The following PRKCH variants were observed in gnomAD, a reference collection of about 807,000 sequenced individuals.
PRKCH encodes the protein protein kinase C eta.
A neutral mutation model predicts 82.5 loss-of-function variants in PRKCH; 28 were observed. That is an observed-to-expected ratio of 0.34 (90% CI 0.25 to 0.47). The LOEUF is 0.47. Ranked by LOEUF, PRKCH falls within the 20% of genes least tolerant of loss-of-function variation. PRKCH has a pLI of 1.00. For synonymous variants in PRKCH, 322 were observed against 327.4 expected (o/e 0.98, Z 0.18); for missense variants, 705 against 881.8 (o/e 0.80, Z 2.54).
chr14:61,192,583 G>A (rs540341028), intron 1 of PRKCH, among the ~76,000 whole-genome samples: 7 of 152,186 alleles, frequency 4.6e-5, no homozygotes, highest in East Asian at 3.9e-4. Flanking sequence ...AAAAGGAAAC[G>A]GCTGCAGTGT....
chr14:61,335,595 T>C (rs1023575125), intron 1 of PRKCH, among the ~76,000 whole-genome samples: 9 of 152,194 alleles, frequency 5.9e-5, no homozygotes, highest in African/African-American at 1.4e-4. Flanking sequence ...AACCCCCCCA[T>C]CTGCCAAAAC....
At chr14:61,240,284 G>A (rs187384182) in intron 1 of PRKCH, among the ~76,000 whole-genome samples, 3 of 152,308 alleles carry the variant, frequency 2.0e-5, no homozygotes, top group Admixed American at 6.5e-5. Flanking sequence ...CCCACATGCC[G>A]CAGAAAGCAG....
intron 2 of PRKCH, among the ~76,000 whole-genome samples, chr14:61,410,788 T>G (rs763666021): frequency 6.6e-6 from 1 of 152,204 alleles, no homozygotes; most frequent in Non-Finnish European, 1.5e-5. Context: ...ATAGCCATCA[T>G]GGCCAGGTCC....
Position 61,537,203 on chromosome 14 carries a change from T to C in PRKCH, c.1761+6608T>C, listed in dbSNP as rs142925897. Among the ~76,000 whole-genome samples the C allele has an allele frequency of 6.6e-5, 10 of 151,636 alleles. No individual in the cohort carries two copies. In the East Asian group the frequency reaches 1.2e-3, roughly 18 times the overall value. On this transcript the variant is annotated intron_variant, in intron 12 of 13. Transcript: ENST00000332981. ...TTTCTGCTCAATACTTAACGTGTGC[T>C]TGCCTCAAAAGCAGCCTGACCTGCG...
intron 2 of PRKCH, among the ~76,000 whole-genome samples, chr14:61,414,291 G>A (rs953959694): frequency 9.4e-6 from 1 of 105,966 alleles, no homozygotes; most frequent in Non-Finnish European, 2.0e-5. Flanking sequence ...TTTTTTTTTT[G>A]AAATGGAGTC....
At chr14:61,207,620 T>C (rs2044537735) in intron 1 of PRKCH, among the ~76,000 whole-genome samples, 1 of 152,132 alleles carries the variant, frequency 6.6e-6, no homozygotes, top group Non-Finnish European at 1.5e-5. Flanking sequence ...TATGGATCCA[T>C]TAAGAGCTAC....
intron 1 of PRKCH, among the ~76,000 whole-genome samples, chr14:61,249,160 A>G (rs932676635): frequency 6.6e-6 from 1 of 152,182 alleles, no homozygotes; most frequent in Non-Finnish European, 1.5e-5. Flanking sequence ...TATAAGCAGC[A>G]TATTTATTGT....
rs1164685953 is a variant in PRKCH, at chr14:61,335,046, A to AT, written c.363+12588dup. Among the ~76,000 whole-genome samples, 22 of 151,996 alleles carry AT rather than the reference A, an allele frequency of 1.4e-4. No homozygotes were observed. The East Asian group carries it at 3.7e-3, about 25-fold the overall frequency. On this transcript the variant is annotated intron_variant, in intron 1 of 13. Transcript: ENST00000332981. ...CTTTAACAAAATTATTTATTTATTTATTTTTTGTAATCTTGGCAGGCAAAG... is the reference window on the plus strand; with the variant it reads ...CTTTAACAAAATTATTTATTTATTTATTTTTTTGTAATCTTGGCAGGCAAAG...
chr14:61,448,465 A>G (rs1594717512), intron 4 of PRKCH, among the ~76,000 whole-genome samples: 2 of 152,206 alleles, frequency 1.3e-5, no homozygotes, highest in East Asian at 1.9e-4. Flanking sequence ...TGTTCAAGGC[A>G]TCATGCAAGG....
At chr14:61,373,530 C>T (rs912675199) in intron 1 of PRKCH, among the ~76,000 whole-genome samples, 2 of 151,890 alleles carry the variant, frequency 1.3e-5, no homozygotes, top group African/African-American at 4.9e-5. Flanking sequence ...ATCATTCCGC[C>T]CCTGGCCCCT....
intron 1 of PRKCH, among the ~76,000 whole-genome samples, chr14:61,214,985 T>C (rs1414896284): frequency 6.6e-6 from 1 of 152,228 alleles, no homozygotes; most frequent in Non-Finnish European, 1.5e-5. Context: ...AAAAGCTTTC[T>C]GAGGAGGGAT....
intron 1 of PRKCH, among the ~76,000 whole-genome samples, chr14:61,262,970 C>T (rs2045063261): frequency 6.6e-6 from 1 of 152,180 alleles, no homozygotes; most frequent in Non-Finnish European, 1.5e-5. Context: ...CTTTGACCCT[C>T]CAGTACACAG....
At chr14:61,420,168 TG>T (rs1356893485) in intron 2 of PRKCH, among the ~76,000 whole-genome samples, 1 of 152,184 alleles carries the variant, frequency 6.6e-6, no homozygotes, top group Non-Finnish European at 1.5e-5. Flanking sequence ...AAATGGGTCA[TG>T]TGTGCCTCTG....
intron 1 of PRKCH, chr14:61,277,454 C>T (rs1458937708): frequency 6.6e-6 from 1 of 152,196 alleles, no homozygotes; most frequent in Non-Finnish European, 1.5e-5. Flanking sequence ...TTCTATCTCA[C>T]TTCCTGAAGA....
intron 1 of PRKCH, among the ~76,000 whole-genome samples, chr14:61,194,445 A>T (rs1353037190): frequency 2.6e-5 from 4 of 152,184 alleles, no homozygotes; most frequent in Non-Finnish European, 5.9e-5. Context: ...CCCTGGAGAG[A>T]TCCTGCACCC....
intron 1 of PRKCH, among the ~76,000 whole-genome samples, chr14:61,337,712 C>A (rs1478272896): frequency 5.9e-5 from 9 of 152,232 alleles, no homozygotes; most frequent in Admixed American, 5.9e-4. Context: ...CAGGCATGAG[C>A]CACCATGCCC....
intron 1 of PRKCH, among the ~76,000 whole-genome samples, chr14:61,302,416 A>G (rs1482527915): frequency 6.6e-6 from 1 of 152,050 alleles, no homozygotes; most frequent in Non-Finnish European, 1.5e-5. Context: ...ATCTCATCTC[A>G]TGGCTGCCCT....
chr14:61,298,551 A>G (rs2045423031), intron 1 of PRKCH: 1 of 152,138 alleles, frequency 6.6e-6, no homozygotes, highest in Non-Finnish European at 1.5e-5. Flanking sequence ...TAAGATACAT[A>G]TTCATTTACA....
At chr14:61,273,433 C>A (rs933763725) in intron 1 of PRKCH, among the ~76,000 whole-genome samples, 1 of 152,136 alleles carries the variant, frequency 6.6e-6, no homozygotes, top group African/African-American at 2.4e-5. Flanking sequence ...CAGGGGAAAG[C>A]AATGTTTATT....
Sources: gnomAD v4.1 joint callset for allele counts (sites outside exome capture counted in the v4.1 genomes callset) on GRCh38, gnomAD v4.1.1 for gene constraint, MANE v1.5 for transcripts, NCBI Gene and HGNC (gene_info 2026-07-23, HGNC 2026-07-21) for gene names.